Variants in ZNF813 observed in about 807,000 individuals in gnomAD.
ZNF813 encodes the protein zinc finger protein 813.
In ZNF813, 3 loss-of-function variants were observed where a neutral mutation model predicts 7.2. The ratio of observed to expected loss-of-function variants is 0.42; its 90% CI spans 0.19 to 1.08. ZNF813 has a LOEUF of 1.08. Among genes scored for constraint, ZNF813 ranks in the 50% least tolerant of loss-of-function variants. ZNF813 has a pLI of 0.30. For synonymous variants in ZNF813, 227 were observed against 256.3 expected (o/e 0.89, Z 1.09); for missense variants, 714 against 753.3 (o/e 0.95, Z 0.61).
chr19:53,475,048 T>C (rs1286841958), intron 1 of ZNF813, among the ~76,000 whole-genome samples: 3 of 152,172 alleles, frequency 2.0e-5, no homozygotes, highest in Non-Finnish European at 4.4e-5. Context: ...CAGTGCATTA[T>C]AGCTACTTTC....
chr19:53,486,179 C>G (rs137888913), intron 2 of ZNF813, among the ~76,000 whole-genome samples: 1 of 152,060 alleles, frequency 6.6e-6, no homozygotes, highest in East Asian at 1.9e-4. Context: ...GTTTCTGGGC[C>G]GGGCGCGGTG....
chr19:53,477,200 A>T (rs542397986), intron 1 of ZNF813, among the ~76,000 whole-genome samples: 1 of 152,194 alleles, frequency 6.6e-6, no homozygotes, highest in African/African-American at 2.4e-5. Flanking sequence ...CAAATCTTGC[A>T]CCAGCCTATA....
intron 1 of ZNF813, among the ~76,000 whole-genome samples, chr19:53,469,074 G>A (rs13346350): frequency 0.053 from 7,997 of 152,134 alleles, 378 homozygotes; most frequent in South Asian, 0.14. Context: ...GGAGAATGGC[G>A]ATGACTTTTA....
At chr19:53,477,140 G>A (rs538756455) in intron 1 of ZNF813, among the ~76,000 whole-genome samples, 24 of 152,238 alleles carry the variant, frequency 1.6e-4, no homozygotes, top group African/African-American at 5.8e-4. Context: ...CACAGTGTAC[G>A]GGTTGGGTAC....
intron 2 of ZNF813, among the ~76,000 whole-genome samples, chr19:53,485,634 A>G (rs1228020396): frequency 1.4e-5 from 2 of 142,590 alleles, no homozygotes; most frequent in East Asian, 4.4e-4. Context: ...ATGTCGTGAT[A>G]TATACATGTA....
chr19:53,486,561 C>T, intron 2 of ZNF813, 71 bp from the exon 3 acceptor site: 2 of 1,612,016 alleles, frequency 1.2e-6, no homozygotes, highest in East Asian at 4.5e-5. Context: ...TCCCCTCTCT[C>T]CTCTTCTCAT....
At position 53,492,908 on chromosome 19, in the gene ZNF813, C is replaced by T. The variant is rs1413327425; in HGVS notation, c.*822C>T. ...TGATTGTGGCAAAGCCTTTACTTCA[C>T]GTTCACACCTCCTTAGACATCAGAG... On this transcript the variant is annotated 3_prime_UTR_variant, in exon 4 of 4. Coordinates refer to ENST00000396403, the MANE Select transcript of ZNF813 (RefSeq NM_001004301.4). 58 of 484,526 alleles carry T rather than the reference C, an allele frequency of 1.2e-4. No individual in the cohort carries two copies. Among genetic ancestry groups the T allele is most frequent in the South Asian group, 8.6e-4 (57 of 66,262 alleles). 30.0% of individuals were successfully genotyped at this position (484,526 alleles called of 1,614,324 possible).
chr19:53,484,479 T>G (rs919531741), intron 2 of ZNF813, among the ~76,000 whole-genome samples: 2 of 152,170 alleles, frequency 1.3e-5, no homozygotes, highest in African/African-American at 4.8e-5. Flanking sequence ...ATGGAGACTG[T>G]GGGGTTACTG....
chr19:53,485,045 C>T (rs971342082), intron 2 of ZNF813, among the ~76,000 whole-genome samples: 10 of 152,110 alleles, frequency 6.6e-5, no homozygotes, highest in African/African-American at 2.4e-4. Context: ...ACTGTCAGTT[C>T]GGTGTCAGGT....
At chr19:53,475,627 C>A (rs1392417028) in intron 1 of ZNF813, among the ~76,000 whole-genome samples, 1 of 152,218 alleles carries the variant, frequency 6.6e-6, no homozygotes, top group Non-Finnish European at 1.5e-5. Context: ...CTCAGTGTGG[C>A]ACCCAGACGG....
intron 1 of ZNF813, among the ~76,000 whole-genome samples, chr19:53,470,449 A>G (rs2617707): frequency 7.1e-6 from 1 of 140,194 alleles, no homozygotes; most frequent in Non-Finnish European, 1.5e-5. Flanking sequence ...TTACTTGATT[A>G]TTCATGAAAA....
chr19:53,479,308 G>A (rs2086396412), intron 1 of ZNF813: 3 of 1,576,446 alleles, frequency 1.9e-6, no homozygotes, highest in African/African-American at 1.3e-5. Flanking sequence ...GCCGAATGGA[G>A]GAGGCAGGAA....
chr19:53,490,240 G>C (rs879547186), intron 3 of ZNF813, 135 bp from the exon 4 acceptor site: 118 of 1,025,042 alleles, frequency 1.2e-4, no homozygotes, highest in African/African-American at 7.3e-4. Flanking sequence ...AGAATCTTAC[G>C]CTTTTGTGTT....
rs762229508 is a variant in ZNF813 at position 53,483,857 on chromosome 19, G to A, written c.15+20G>A. On this transcript the variant is annotated intron_variant, in intron 2 of 3. Transcript: ENST00000396403. ...CCTCAGGTGAGATGATATTTTTGGTGGATTGTTCTGTCTCCTTCCCCTCAG... is the reference window on the plus strand; with the variant it reads ...CCTCAGGTGAGATGATATTTTTGGTAGATTGTTCTGTCTCCTTCCCCTCAG... 8 of 1,613,944 alleles carry A rather than the reference G, an allele frequency of 5.0e-6. No individual in the cohort carries two copies. The East Asian group carries it at 1.8e-4, about 36-fold the overall frequency.
At chr19:53,479,414 A>G in intron 1 of ZNF813, 1 of 1,581,886 alleles carries the variant, frequency 6.3e-7, no homozygotes, top group South Asian at 1.1e-5. Context: ...CTGCAGGCAG[A>G]TGATGAGGAG....
At chr19:53,468,116 G>A (rs2086336394) in intron 1 of ZNF813, among the ~76,000 whole-genome samples, 1 of 152,008 alleles carries the variant, frequency 6.6e-6, no homozygotes, top group African/African-American at 2.4e-5. Flanking sequence ...CGCCCACTTC[G>A]GCCGGTGGAG....
chr19:53,477,152 A>G (rs113178126), intron 1 of ZNF813, among the ~76,000 whole-genome samples: 62 of 152,284 alleles, frequency 4.1e-4, no homozygotes, highest in Non-Finnish European at 6.6e-4. Flanking sequence ...GTTGGGTACC[A>G]CTGGATGGAT....
At chr19:53,469,072 G>A (rs1485556087) in intron 1 of ZNF813, among the ~76,000 whole-genome samples, 2 of 152,160 alleles carry the variant, frequency 1.3e-5, no homozygotes, top group Non-Finnish European at 2.9e-5. Context: ...ATGGAGAATG[G>A]CGATGACTTT....
At chr19:53,480,443 C>G (rs1413452851) in intron 1 of ZNF813, among the ~76,000 whole-genome samples, 6 of 147,242 alleles carry the variant, frequency 4.1e-5, no homozygotes, top group Admixed American at 6.8e-5. Flanking sequence ...CATTTTTTTT[C>G]TGTACATTTC....
Sources: allele counts gnomAD v4.1 joint callset (sites outside exome capture counted in the v4.1 genomes callset), GRCh38; gene constraint gnomAD v4.1.1; transcripts MANE v1.5; gene names NCBI Gene and HGNC (gene_info 2026-07-23, HGNC 2026-07-21).